Variants in ARHGAP24 observed in about 807,000 individuals in gnomAD.
The protein encoded by ARHGAP24 is Rho GTPase activating protein 24, also known as rho GTPase-activating protein 24.
ARHGAP24 carries 50 observed loss-of-function variants against 76.4 expected under a neutral mutation model. The observed-to-expected ratio is 0.65, with a 90% CI of 0.52 to 0.83. ARHGAP24 has a LOEUF of 0.83. ARHGAP24 is among the 40% of genes least tolerant of loss of function. The pLI is 0.00. For synonymous variants in ARHGAP24, 345 were observed against 323.3 expected (o/e 1.07, Z -0.72); for missense variants, 930 against 914.2 (o/e 1.02, Z -0.22).
chr4:85,491,042 C>A (rs955997405), intron 1 of ARHGAP24, among the ~76,000 whole-genome samples: 4 of 152,058 alleles, frequency 2.6e-5, no homozygotes, highest in Non-Finnish European at 4.4e-5. Flanking sequence ...AAGATTGAAT[C>A]TTTTTTTCCA....
At chr4:85,589,434 A>G (rs1560543545) in intron 2 of ARHGAP24, among the ~76,000 whole-genome samples, 1 of 152,236 alleles carries the variant, frequency 6.6e-6, no homozygotes, top group Admixed American at 6.5e-5. Flanking sequence ...ACAACTTGCC[A>G]GAGGATAGGA....
chr4:85,797,154 T>A (rs1014353205), intron 3 of ARHGAP24, among the ~76,000 whole-genome samples: 57 of 124,210 alleles, frequency 4.6e-4, no homozygotes, highest in Middle Eastern at 8.0e-3. Flanking sequence ...GAAAAAAAAT[T>A]TTTTTTGTTT....
intron 5 of ARHGAP24, among the ~76,000 whole-genome samples, chr4:85,963,834 T>C (rs912684774): frequency 2.0e-5 from 3 of 152,178 alleles, no homozygotes; most frequent in Non-Finnish European, 2.9e-5. Flanking sequence ...TCAAAAGCTA[T>C]ACAACAATTC....
At chr4:85,700,395 A>T (rs1269216075) in intron 2 of ARHGAP24, among the ~76,000 whole-genome samples, 1 of 71,300 alleles carries the variant, frequency 1.4e-5, no homozygotes, top group African/African-American at 3.3e-5. Flanking sequence ...GATTCTGTCT[A>T]AAAAAAAAAA....
At chr4:85,898,854 C>T (rs1734338718) in intron 3 of ARHGAP24, among the ~76,000 whole-genome samples, 1 of 152,146 alleles carries the variant, frequency 6.6e-6, no homozygotes, top group South Asian at 2.1e-4. Context: ...AGTGATGCTC[C>T]TGCCTCAGTT....
chr4:85,808,309 A>C (rs1231248152), intron 3 of ARHGAP24, among the ~76,000 whole-genome samples: 3 of 151,884 alleles, frequency 2.0e-5, no homozygotes, highest in Non-Finnish European at 4.4e-5. Flanking sequence ...TTACTTTTCA[A>C]CTCCCAGCAG....
intron 4 of ARHGAP24, among the ~76,000 whole-genome samples, chr4:85,927,064 A>AG (rs1736060920): frequency 1.3e-5 from 2 of 151,838 alleles, no homozygotes; most frequent in African/African-American, 4.8e-5. Context: ...GAGCAATTAG[A>AG]AAAAAAAATC....
intron 2 of ARHGAP24, among the ~76,000 whole-genome samples, chr4:85,706,811 G>A (rs975119340): frequency 3.9e-5 from 6 of 152,024 alleles, no homozygotes; most frequent in East Asian, 1.9e-4. Flanking sequence ...TGATCCGCCC[G>A]CCTCGGCCTC....
At chr4:85,700,908 C>G (rs571065041) in intron 2 of ARHGAP24, among the ~76,000 whole-genome samples, 1 of 152,088 alleles carries the variant, frequency 6.6e-6, no homozygotes, top group Non-Finnish European at 1.5e-5. Context: ...TAAAATATCT[C>G]TCTTTGTTTG....
At chr4:85,716,620 A>T (rs933935662) in intron 2 of ARHGAP24, among the ~76,000 whole-genome samples, 2 of 152,102 alleles carry the variant, frequency 1.3e-5, no homozygotes, top group African/African-American at 4.8e-5. Flanking sequence ...AGAAAACTCA[A>T]GACACTTGCA....
At position 85,669,446 on chromosome 4, in the gene ARHGAP24, T is replaced by C. The variant is rs182441821; in HGVS notation, c.181-52439T>C. On this transcript the variant is annotated intron_variant, in intron 2 of 9. Transcript: ENST00000395184. ...TAGACATCACATAAGGAAGAGGAAGTCTGGAAGAAAAGTACAGAAATAGTG... is the reference window on the plus strand; with the variant it reads ...TAGACATCACATAAGGAAGAGGAAGCCTGGAAGAAAAGTACAGAAATAGTG... Among the ~76,000 whole-genome samples, 316 of 151,594 alleles carry C rather than the reference T, an allele frequency of 2.1e-3. 2 individuals carry two copies. The highest frequency in any genetic ancestry group is 3.0e-3 in the Non-Finnish European group (204 of 67,864).
intron 3 of ARHGAP24, among the ~76,000 whole-genome samples, chr4:85,824,860 TG>T (rs1729638866): frequency 6.6e-6 from 1 of 152,140 alleles, no homozygotes; most frequent in Admixed American, 6.5e-5. Flanking sequence ...GAAGCCAAGA[TG>T]GTTGGATCAC....
At chr4:85,794,049 TAATC>T (rs1280627322) in intron 3 of ARHGAP24, among the ~76,000 whole-genome samples, 3 of 152,234 alleles carry the variant, frequency 2.0e-5, no homozygotes, top group African/African-American at 7.2e-5. Context: ...GGAAATGGCT[TAATC>T]AAACAATCCA....
chr4:85,660,228 G>T (rs997201745), intron 2 of ARHGAP24, among the ~76,000 whole-genome samples: 1 of 152,044 alleles, frequency 6.6e-6, no homozygotes, highest in African/African-American at 2.4e-5. Flanking sequence ...CTGCCTGCCC[G>T]CCGTGAAGCA....
chr4:85,526,695 G>T lies in ARHGAP24; in HGVS notation c.-20-43827G>T, dbSNP rs375266800. ...TTCTTGGATGTAGGATTCTACTGGA[G>T]ATTGCTTTAGTTAGCCACTGAAATT... On this transcript the variant is annotated intron_variant, in intron 1 of 9. Transcript: ENST00000395184. 1.2e-4 allele frequency among the ~76,000 whole-genome samples: 19 copies of T among 152,176 alleles called. No individual in the cohort carries two copies. In the East Asian group the frequency reaches 3.7e-3, roughly 29 times the overall value.
chr4:85,958,981 G>A (rs772012674), intron 5 of ARHGAP24, among the ~76,000 whole-genome samples: 2 of 152,126 alleles, frequency 1.3e-5, no homozygotes, highest in Non-Finnish European at 2.9e-5. Context: ...ATGGGAAAAG[G>A]GTCCAGAGGG....
chr4:85,769,892 T>G (rs1359179912), intron 3 of ARHGAP24, among the ~76,000 whole-genome samples: 1 of 152,128 alleles, frequency 6.6e-6, no homozygotes, highest in African/African-American at 2.4e-5. Flanking sequence ...TGGCCAGTAG[T>G]GGTTAATCCT....
chr4:85,966,150 C>T (rs1578442297), intron 5 of ARHGAP24, among the ~76,000 whole-genome samples: 1 of 152,058 alleles, frequency 6.6e-6, no homozygotes, highest in Non-Finnish European at 1.5e-5. Context: ...AAAGAGCAAG[C>T]TTTTTAGTGT....
intron 3 of ARHGAP24, among the ~76,000 whole-genome samples, chr4:85,755,641 G>GTTGTTT (rs1553927699): frequency 3.5e-5 from 4 of 113,324 alleles, no homozygotes; most frequent in South Asian, 3.0e-4. Context: ...GTTTTGTTTT[G>GTTGTTT]TTTTGTTTTG....
Sources: gnomAD v4.1 joint callset for allele counts (sites outside exome capture counted in the v4.1 genomes callset) on GRCh38, gnomAD v4.1.1 for gene constraint, MANE v1.5 for transcripts, NCBI Gene and HGNC (gene_info 2026-07-23, HGNC 2026-07-21) for gene names.